The following FSD1 variants were observed in gnomAD, a reference collection of about 807,000 sequenced individuals.
The protein encoded by FSD1 is fibronectin type III and SPRY domain containing 1, also known as fibronectin type III and SPRY domain-containing protein 1.
Under a neutral mutation model 58.2 loss-of-function variants are expected in FSD1, and 23 were observed. The observed-to-expected ratio is 0.40, with a 90% CI of 0.28 to 0.56. FSD1 has a LOEUF of 0.56. Ranked by LOEUF, FSD1 falls within the 20% of genes least tolerant of loss-of-function variation. The probability of loss-of-function intolerance (pLI) is 0.54; values close to 1 mark genes in which losing one functional copy is unlikely to be tolerated. For missense variants in FSD1, 563 were observed against 670.8 expected (o/e 0.84, Z 1.78); for synonymous variants, 265 against 263.4 (o/e 1.01, Z -0.06).
In FSD1 at chr19:4,312,014, C is replaced by A; in HGVS notation, c.663C>A (p.Val221=). ...PRLKEDQPWM[V]IEGIRQTEYT... is the part of the protein sequence containing the mutation. ...TCAAGGAGGACCAGCCCTGGATGGT[C>A]ATCGAGGGCATCCGGCAGACAGAGT... The change falls in exon 7 of 13, where the codon GTC becomes GTA. Residue 221 remains valine, a synonymous_variant. Coordinates refer to ENST00000221856, the MANE Select transcript of FSD1 (RefSeq NM_024333.3). 1 of 1,611,970 alleles carries A rather than the reference C, an allele frequency of 6.2e-7. No individual in the cohort carries two copies. Among genetic ancestry groups the A allele is most frequent in the South Asian group, 1.1e-5 (1 of 91,046 alleles).
chr19:4,308,053 C>T (rs1971642610), intron 4 of FSD1, 70 bp downstream of exon 4: 1 of 1,251,678 alleles, frequency 8.0e-7, no homozygotes, highest in Admixed American at 2.0e-5. Flanking sequence ...GGTGAACAAG[C>T]ACATTTTTAG....
Position 4,315,523 on chromosome 19 carries a change from T to C in FSD1, c.701-1659T>C, listed in dbSNP as rs1308975862. Among the ~76,000 whole-genome samples the C allele has an allele frequency of 2.0e-5, 3 of 150,534 alleles. No homozygotes were observed. The East Asian group carries it at 5.9e-4, about 29-fold the overall frequency. ...CGGGTTTTCACCGTGTTAGCCAGGA[T>C]GGTCTTGATCTCCTGACCTTGTGAT... On this transcript the variant is annotated intron_variant, in intron 7 of 12. Coordinates refer to ENST00000221856, the MANE Select transcript of FSD1 (RefSeq NM_024333.3).
chr19:4,309,065 A>G (rs1476425502), intron 4 of FSD1, among the ~76,000 whole-genome samples: 1 of 151,942 alleles, frequency 6.6e-6, no homozygotes, highest in African/African-American at 2.4e-5. Flanking sequence ...ACAGAGCAAG[A>G]CTCTGTTTCA....
chr19:4,321,328 T>C (rs1279044745), intron 10 of FSD1, among the ~76,000 whole-genome samples: 1 of 110,864 alleles, frequency 9.0e-6, no homozygotes, highest in Non-Finnish European at 1.8e-5. Flanking sequence ...TAGCTGGGAC[T>C]GAGGAGTATC....
At chr19:4,322,084 C>CT (rs1180296200) in intron 10 of FSD1, among the ~76,000 whole-genome samples, 7 of 99,742 alleles carry the variant, frequency 7.0e-5, no homozygotes, top group Admixed American at 2.5e-4. Context: ...CAAGGATTAT[C>CT]GGGGGGAATA....
chr19:4,312,448 G>A (rs771409510), intron 7 of FSD1, among the ~76,000 whole-genome samples: 15 of 151,904 alleles, frequency 9.9e-5, no homozygotes, highest in East Asian at 3.9e-4. Context: ...CCGAGATCGC[G>A]CTATTGCACT....
Position 4,306,362 on chromosome 19 carries a change from C to T in FSD1, c.243+33C>T, listed in dbSNP as rs1187603508. The T allele has an allele frequency of 1.9e-6, 3 of 1,611,240 alleles. No homozygotes were observed. The Admixed American group carries it at 5.0e-5, about 27-fold the overall frequency. ...CTGAGGGCATCTTCCTCTCCCCCCG[C>T]CCCTCCTACTCAACAGAACGTAGCT... On this transcript the variant is annotated intron_variant, in intron 3 of 12. Coordinates refer to ENST00000221856, the MANE Select transcript of FSD1 (RefSeq NM_024333.3).
chr19:4,306,141 G>A, intron 2 of FSD1, 57 bp from the exon 3 acceptor site: 2 of 1,613,062 alleles, frequency 1.2e-6, no homozygotes, highest in Non-Finnish European at 8.5e-7. Context: ...CCTGTGGGAG[G>A]TCTCAGGTTC....
At chr19:4,312,074 C>A (rs757524301) in intron 7 of FSD1, 23 bp downstream of exon 7, 3 of 1,577,588 alleles carry the variant, frequency 1.9e-6, no homozygotes, top group Non-Finnish European at 2.6e-6. Context: ...TGTGCCAGCT[C>A]CGCCCAGCTG....
At position 4,310,262 on chromosome 19, in the gene FSD1, C is replaced by T. The variant is rs1031494607; in HGVS notation, c.346-11C>T. The T allele has an allele frequency of 1.2e-5, 20 of 1,613,970 alleles. No homozygotes were observed. Among genetic ancestry groups the T allele is most frequent in the Non-Finnish European group, 1.7e-5 (20 of 1,179,936 alleles). The stretch of plus-strand genomic sequence containing the variant: ...AGAAATCTTTGAATGTTGTTCTGTT[C>T]CTCTCTCTAGGCTGCCAAGCAAATC... On this transcript the variant is annotated splice_polypyrimidine_tract_variant and intron_variant, in intron 4 of 12. Coordinates refer to ENST00000221856, the MANE Select transcript of FSD1 (RefSeq NM_024333.3).
intron 10 of FSD1, among the ~76,000 whole-genome samples, chr19:4,319,976 A>T (rs1386769379): frequency 2.6e-5 from 4 of 152,220 alleles, no homozygotes; most frequent in Non-Finnish European, 5.9e-5. Context: ...AAGAACCTGG[A>T]TCTGGGGCCT....
intron 7 of FSD1, among the ~76,000 whole-genome samples, chr19:4,316,407 G>C (rs1376919985): frequency 6.7e-6 from 1 of 149,896 alleles, no homozygotes; most frequent in Admixed American, 6.7e-5. Context: ...TTTTAGTAGA[G>C]ATGCGGTTTC....
In FSD1 at chr19:4,323,257, G is replaced by GC; in HGVS notation, c.1291+22dup. 6.2e-7 allele frequency: 1 copy of GC among 1,605,414 alleles called. No individual in the cohort carries two copies. The highest frequency in any genetic ancestry group is 8.5e-7 in the Non-Finnish European group (1 of 1,178,368). Reference sequence around the variant, plus strand: ...ACCAAGGTGACCCCAAGCCCCAGCTGCCGTCTCTGGCTGCCCCTGCCTGAG... The same window carrying GC: ...ACCAAGGTGACCCCAAGCCCCAGCTGCCCGTCTCTGGCTGCCCCTGCCTGAG... On this transcript the variant is annotated intron_variant, in intron 11 of 12. Coordinates refer to ENST00000221856, the MANE Select transcript of FSD1 (RefSeq NM_024333.3). The surrounding 1 kb of genome is among the most constrained non-coding windows in gnomAD (Gnocchi z 7.7).
At chr19:4,311,185 C>T (rs1971686945) in intron 6 of FSD1, 1 of 155,022 alleles carries the variant, frequency 6.5e-6, no homozygotes, top group South Asian at 2.0e-4. Flanking sequence ...CACATGGTAG[C>T]TCCTGGGAAA....
intron 4 of FSD1, among the ~76,000 whole-genome samples, chr19:4,309,670 G>A (rs1599534535): frequency 6.6e-6 from 1 of 152,262 alleles, no homozygotes; most frequent in East Asian, 1.9e-4. Flanking sequence ...AGCACTTTGG[G>A]AGGCTGAGGC....
At chr19:4,312,542 G>A (rs1435152217) in intron 7 of FSD1, among the ~76,000 whole-genome samples, 7 of 151,586 alleles carry the variant, frequency 4.6e-5, no homozygotes, top group Non-Finnish European at 1.0e-4. Context: ...GGTAGCTCAC[G>A]CCTGTAATCC....
At chr19:4,305,882 G>T in intron 1 of FSD1, 64 bp from the exon 2 acceptor site, 1 of 1,187,978 alleles carries the variant, frequency 8.4e-7, no homozygotes. Context: ...GCGTACACGT[G>T]TGTGTACCTG....
chr19:4,320,225 A>G (rs1005343303), intron 10 of FSD1, among the ~76,000 whole-genome samples: 1 of 151,958 alleles, frequency 6.6e-6, no homozygotes, highest in African/African-American at 2.4e-5. Context: ...GTCTGGATAG[A>G]ATCTGGATTC....
intron 4 of FSD1, 129 bp downstream of exon 4, chr19:4,308,112 A>C (rs1687269727): frequency 2.9e-6 from 2 of 678,448 alleles, no homozygotes; most frequent in East Asian, 2.9e-5. Flanking sequence ...ACATACTGAT[A>C]CCAAGAAAGT....
Sources: gnomAD v4.1 joint callset for allele counts (sites outside exome capture counted in the v4.1 genomes callset) on GRCh38, gnomAD v4.1.1 for gene constraint, Gnocchi (gnomAD v3.1) non-coding constraint, MANE v1.5 for transcripts, NCBI Gene and HGNC (gene_info 2026-07-23, HGNC 2026-07-21) for gene names.